RYR2: variants seen among roughly 807,000 people sequenced by gnomAD.
The protein encoded by RYR2 is ryanodine receptor 2.
In RYR2, 227 loss-of-function variants were observed where a neutral mutation model predicts 601.1. That is an observed-to-expected ratio of 0.38 (90% confidence interval 0.34 to 0.42). The LOEUF is 0.42. Ranked by LOEUF, RYR2 falls within the 10% of genes least tolerant of loss-of-function variation. The pLI is 1.00. For missense variants in RYR2, 4,646 were observed against 6,156.5 expected, an observed-to-expected ratio of 0.75 and a Z score of 8.21; for synonymous variants, 2,223 against 2,175.1, an observed-to-expected ratio of 1.02 and a Z score of -0.61.
chr1:237,521,129 A>G (rs1169510728), intron 24 of RYR2, among the ~76,000 whole-genome samples: 1 of 150,858 alleles, frequency 6.6e-6, no homozygotes, highest in Non-Finnish European at 1.5e-5. Flanking sequence ...CCTAACATAC[A>G]TAGAACTAAT....
intron 28 of RYR2, among the ~76,000 whole-genome samples, chr1:237,568,478 A>G (rs1209040512): frequency 6.6e-6 from 1 of 152,224 alleles, no homozygotes; most frequent in Non-Finnish European, 1.5e-5. Flanking sequence ...TGTACTTACA[A>G]TATGAGATTT....
chr1:237,393,276 T>G (rs1165633472), intron 10 of RYR2, among the ~76,000 whole-genome samples: 2 of 152,274 alleles, frequency 1.3e-5, no homozygotes, highest in East Asian at 3.9e-4. Context: ...AATGCTACAT[T>G]TGCTTCCCAA....
rs1658449021 is a variant in RYR2, at chr1:237,792,131, A to T, written c.13590A>T (p.Gly4530=). Residue 4530 remains glycine, a synonymous_variant, in exon 94 of 105, where the codon GGA becomes GGT. Transcript: ENST00000366574. ...TCTCCACTTCTTCTGTGGTTGAAGG[A>T]AAGGAGCTCCCCACGAGAAGTTCAA... The part of the protein sequence containing the change: ...YKVSTSSVVE[G]KELPTRSSSE... The T allele has an allele frequency of 1.2e-6, 2 of 1,603,862 alleles. No individual in the cohort carries two copies. Among genetic ancestry groups the T allele is most frequent in the Non-Finnish European group, 1.7e-6 (2 of 1,174,982 alleles).
intron 35 of RYR2, among the ~76,000 whole-genome samples, chr1:237,603,982 A>T (rs1676810081): frequency 1.3e-5 from 2 of 152,222 alleles, no homozygotes; most frequent in Non-Finnish European, 2.9e-5. Flanking sequence ...GGGAGACTTT[A>T]ACACCCCACT....
At chr1:237,823,634 GCAAA>G (rs2102875313) in intron 101 of RYR2, among the ~76,000 whole-genome samples, 1 of 152,102 alleles carries the variant, frequency 6.6e-6, no homozygotes, top group African/African-American at 2.4e-5. Context: ...AGAAGCAAGA[GCAAA>G]CAAATTCAAA....
intron 16 of RYR2, among the ~76,000 whole-genome samples, chr1:237,459,623 A>G (rs1659241615): frequency 6.6e-6 from 1 of 152,226 alleles, no homozygotes; most frequent in Admixed American, 6.5e-5. Flanking sequence ...TTATATAATC[A>G]TAGAAAAGGC....
intron 1 of RYR2, among the ~76,000 whole-genome samples, chr1:237,164,260 G>A (rs1676375773): frequency 6.6e-6 from 1 of 152,202 alleles, no homozygotes; most frequent in African/African-American, 2.4e-5. Flanking sequence ...GCCACAGAGT[G>A]AGACTCTGTT....
chr1:237,430,559 T>C (rs1706704853), intron 12 of RYR2, among the ~76,000 whole-genome samples: 2 of 152,136 alleles, frequency 1.3e-5, no homozygotes, highest in African/African-American at 4.8e-5. Context: ...TATGAGAATA[T>C]GAAGACAGAG....
chr1:237,388,429 C>T lies in RYR2; in HGVS notation c.773+246C>T, dbSNP rs192994232. Among the ~76,000 whole-genome samples the T allele has an allele frequency of 1.1e-4, 16 of 152,282 alleles. No homozygotes were observed. In the East Asian group the frequency reaches 3.1e-3, roughly 29 times the overall value. On this transcript the variant is annotated intron_variant, in intron 10 of 104. Coordinates refer to ENST00000366574, the MANE Select transcript of RYR2 (RefSeq NM_001035.3). The stretch of plus-strand genomic sequence containing the variant: ...TTAAAACATATTAAGAAACACTGAA[C>T]AAAATTAACGAAGTGAGAAGAGTGA...
At chr1:237,287,730 T>C (rs1054586231) in intron 2 of RYR2, among the ~76,000 whole-genome samples, 10 of 152,228 alleles carry the variant, frequency 6.6e-5, no homozygotes, top group African/African-American at 2.4e-4. Flanking sequence ...TCATTTTTTG[T>C]ATTTCCTTGC....
At chr1:237,313,990 T>A (rs1274089396) in intron 2 of RYR2, among the ~76,000 whole-genome samples, 5 of 75,402 alleles carry the variant, frequency 6.6e-5, no homozygotes, top group East Asian at 3.5e-4. Context: ...ATTACATGAA[T>A]AACGTAATGG....
chr1:237,796,737 G>T (rs531947018), intron 96 of RYR2, among the ~76,000 whole-genome samples: 1 of 151,410 alleles, frequency 6.6e-6, no homozygotes, highest in Non-Finnish European at 1.5e-5. Flanking sequence ...TTTGCTACCA[G>T]TGATCTCTCC....
intron 34 of RYR2, among the ~76,000 whole-genome samples, chr1:237,601,770 T>C (rs1477754374): frequency 6.6e-6 from 1 of 152,138 alleles, no homozygotes; most frequent in East Asian, 1.9e-4. Context: ...AAAAGTTAGA[T>C]TAATTATGTA....
At chr1:237,327,246 A>G (rs183321236) in intron 2 of RYR2, among the ~76,000 whole-genome samples, 15 of 152,304 alleles carry the variant, frequency 9.8e-5, no homozygotes. Context: ...GATGACTCAG[A>G]ACAAAATGGG....
chr1:237,567,728 T>C (rs1672240946), intron 28 of RYR2, among the ~76,000 whole-genome samples: 1 of 152,056 alleles, frequency 6.6e-6, no homozygotes, highest in African/African-American at 2.4e-5. Context: ...AGTGAATTTA[T>C]TTTCCTTTTC....
rs71162408 is a variant in RYR2, at chr1:237,665,397, C to CAA, written c.8437-1094_8437-1093dup. ...CTGGTGACAGAGCGAGACTCTGTCT[C>CAA]AAAAAAAAAAAAAAAAAAAAAAGGA... On this transcript the variant is annotated intron_variant, in intron 56 of 104. Transcript: ENST00000366574. Among the ~76,000 whole-genome samples the CAA allele has an allele frequency of 7.4e-3, 705 of 94,886 alleles. 9 individuals are homozygous for CAA. Among genetic ancestry groups the CAA allele is most frequent in the East Asian group, 0.023 (66 of 2,860 alleles). 62.2% of individuals were successfully genotyped at this position (94,886 alleles called of 152,430 possible).
chr1:237,286,149 A>G (rs966944544), intron 2 of RYR2, among the ~76,000 whole-genome samples: 2 of 151,968 alleles, frequency 1.3e-5, no homozygotes, highest in Non-Finnish European at 2.9e-5. Context: ...TTTGATATAG[A>G]CATTTAGGGC....
intron 34 of RYR2, among the ~76,000 whole-genome samples, chr1:237,600,133 A>AT (rs1397475950): frequency 1.9e-4 from 29 of 152,306 alleles, no homozygotes; most frequent in African/African-American, 7.0e-4. Flanking sequence ...AGCAATCTTG[A>AT]GCAAAAAGAA....
intron 76 of RYR2, 121 bp downstream of exon 76, chr1:237,727,320 T>A: frequency 2.2e-6 from 1 of 445,662 alleles, no homozygotes; most frequent in Non-Finnish European, 4.0e-6. Flanking sequence ...AAAGCTTTAT[T>A]GATTCTTCTA....
Sources: gnomAD v4.1 joint callset for allele counts (sites outside exome capture counted in the v4.1 genomes callset) on GRCh38, gnomAD v4.1.1 for gene constraint, MANE v1.5 for transcripts, NCBI Gene and HGNC (gene_info 2026-07-23, HGNC 2026-07-21) for gene names.